The following SLC25A21 variants were observed in gnomAD, a reference collection of about 807,000 sequenced individuals.
The protein encoded by SLC25A21 is solute carrier family 25 member 21.
A neutral mutation model predicts 43.8 loss-of-function variants in SLC25A21; 47 were observed. That is an observed-to-expected ratio of 1.07 (90% CI 0.85 to 1.37). The LOEUF (loss-of-function observed/expected upper bound fraction) is 1.37, where lower values mean the gene tolerates loss of function less well. Among genes scored for constraint, SLC25A21 ranks in the 40% most tolerant of loss-of-function variants. The probability of loss-of-function intolerance (pLI) is 0.00; values close to 1 mark genes in which losing one functional copy is unlikely to be tolerated. For missense variants in SLC25A21, 352 were observed against 350.2 expected, an observed-to-expected ratio of 1.00 and a Z score of -0.04; for synonymous variants, 131 against 121.3, an observed-to-expected ratio of 1.08 and a Z score of -0.52.
At chr14:36,975,529 T>G (rs1418133313) in intron 1 of SLC25A21, among the ~76,000 whole-genome samples, 1 of 152,242 alleles carries the variant, frequency 6.6e-6, no homozygotes. Context: ...TTTGTAAAGA[T>G]AAGTTGTTCG....
intron 7 of SLC25A21, among the ~76,000 whole-genome samples, chr14:36,704,104 C>T (rs1883395133): frequency 6.6e-6 from 1 of 152,184 alleles, no homozygotes; most frequent in African/African-American, 2.4e-5. Flanking sequence ...GAACAGCTAG[C>T]TCCTAAAAAT....
intron 3 of SLC25A21, among the ~76,000 whole-genome samples, chr14:36,789,962 AT>A (rs1887423635): frequency 7.7e-6 from 1 of 130,682 alleles, no homozygotes; most frequent in South Asian, 2.2e-4. Context: ...TATATATAAA[AT>A]ATGTATATAT....
chr14:37,149,725 CTAAA>C (rs750476847), intron 1 of SLC25A21, among the ~76,000 whole-genome samples: 1 of 152,048 alleles, frequency 6.6e-6, no homozygotes, highest in Non-Finnish European at 1.5e-5. Flanking sequence ...TAAATAATCA[CTAAA>C]TAGTCTTTAA....
intron 1 of SLC25A21, among the ~76,000 whole-genome samples, chr14:36,974,512 G>A (rs17178010): frequency 0.09 from 13,731 of 152,128 alleles, 832 homozygotes; most frequent in Non-Finnish European, 0.14. Flanking sequence ...CATATTTTCT[G>A]AGGCACCAAA....
chr14:37,117,491 G>GA, intron 1 of SLC25A21, among the ~76,000 whole-genome samples: 1 of 152,178 alleles, frequency 6.6e-6, no homozygotes, highest in Non-Finnish European at 1.5e-5. Context: ...TTAGAAGAGA[G>GA]TTTTTTCTAT....
intron 1 of SLC25A21, among the ~76,000 whole-genome samples, chr14:37,113,542 T>C (rs368352839): frequency 8.4e-4 from 128 of 152,252 alleles, no homozygotes; most frequent in Non-Finnish European, 1.7e-3. Context: ...ATACAATTAT[T>C]GTAACTCATG....
rs12437201 is a variant in SLC25A21, at chr14:37,040,377, A to G, written c.70+131904T>C. On this transcript the variant is annotated intron_variant, in intron 1 of 9. Transcript: ENST00000331299. Reference sequence around the variant, plus strand: ...GGAAAGAAAGAGAGAGAGAGAGAGAAAGAAAGAAAGAAAGAAAGAAAGAAA... The same window carrying G: ...GGAAAGAAAGAGAGAGAGAGAGAGAGAGAAAGAAAGAAAGAAAGAAAGAAA... Among the ~76,000 whole-genome samples, 141 of 36,622 alleles carry G rather than the reference A, an allele frequency of 3.9e-3. 1 individual carries two copies. Among genetic ancestry groups the G allele is most frequent in the Admixed American group, 0.034 (113 of 3,368 alleles). 24.0% of individuals were successfully genotyped at this position (36,622 alleles called of 152,430 possible). A position where few individuals can be genotyped will look rare whatever the true frequency, so the allele number is the denominator to read the frequency against.
At chr14:37,085,835 G>A (rs2138844018) in intron 1 of SLC25A21, among the ~76,000 whole-genome samples, 1 of 152,304 alleles carries the variant, frequency 6.6e-6, no homozygotes, top group African/African-American at 2.4e-5. Flanking sequence ...GCCGGCCGCG[G>A]TGGCTTACGC....
At chr14:37,024,822 T>A (rs1012263314) in intron 1 of SLC25A21, among the ~76,000 whole-genome samples, 1 of 152,068 alleles carries the variant, frequency 6.6e-6, no homozygotes, top group African/African-American at 2.4e-5. Context: ...ATAATTAATC[T>A]CCTTATTTAT....
chr14:36,770,758 G>A (rs1202456730), intron 3 of SLC25A21, among the ~76,000 whole-genome samples: 2 of 152,090 alleles, frequency 1.3e-5, no homozygotes, highest in Non-Finnish European at 2.9e-5. Context: ...CCTTTACTGG[G>A]AGTGTAGGAA....
At chr14:36,764,143 G>GGAAAGAGAAA (rs1886294805) in intron 3 of SLC25A21, among the ~76,000 whole-genome samples, 1 of 33,802 alleles carries the variant, frequency 3.0e-5, no homozygotes, top group Non-Finnish European at 5.6e-5. Context: ...AAGGAAAGAA[G>GGAAAGAGAAA]GAAAGAAAGA....
chr14:36,826,977 A>T (rs538610463), intron 2 of SLC25A21, among the ~76,000 whole-genome samples: 62 of 152,272 alleles, frequency 4.1e-4, no homozygotes, highest in Non-Finnish European at 7.5e-4. Flanking sequence ...ACAACTTTGG[A>T]TGAGGATGGG....
chr14:37,036,856 T>C (rs1259538762), intron 1 of SLC25A21, among the ~76,000 whole-genome samples: 1 of 152,176 alleles, frequency 6.6e-6, no homozygotes, highest in South Asian at 2.1e-4. Context: ...TGTTCAAATG[T>C]GGATCTTGAC....
Position 36,763,691 on chromosome 14 carries a change from C to T in SLC25A21, c.204-29118G>A, listed in dbSNP as rs190410297. Among the ~76,000 whole-genome samples, 573 of 151,776 alleles carry T rather than the reference C, an allele frequency of 3.8e-3. 3 individuals are homozygous for T. The highest frequency in any genetic ancestry group is 0.013 in the African/African-American group (523 of 41,388). ...AGGAATCAGACACAGTAGAGCACAC[C>T]GGGAAGACCAGAAAAGGCAGCCTAT... is the stretch of plus-strand genomic sequence containing the variant. On this transcript the variant is annotated intron_variant, in intron 3 of 9. Transcript: ENST00000331299.
At chr14:37,097,032 T>G (rs1014276903) in intron 1 of SLC25A21, 7 of 149,108 alleles carry the variant, frequency 4.7e-5, no homozygotes, top group African/African-American at 1.8e-4. Flanking sequence ...TTTTTTTGTT[T>G]TTTTTTTTTG....
chr14:36,985,612 T>A (rs1960129440), intron 1 of SLC25A21, among the ~76,000 whole-genome samples: 1 of 152,192 alleles, frequency 6.6e-6, no homozygotes, highest in South Asian at 2.1e-4. Context: ...ACACTAAAAC[T>A]ACTATGTTAT....
At chr14:37,164,929 C>T (rs1266577779) in intron 1 of SLC25A21, among the ~76,000 whole-genome samples, 2 of 152,178 alleles carry the variant, frequency 1.3e-5, no homozygotes, top group Admixed American at 1.3e-4. Context: ...AATGAGATAA[C>T]ACTACACAAA....
chr14:36,813,805 G>C (rs751297400), intron 3 of SLC25A21, 113 bp downstream of exon 3: 17 of 708,914 alleles, frequency 2.4e-5, no homozygotes, highest in Non-Finnish European at 4.1e-5. Context: ...AAAGTAGAAA[G>C]GTACCCTTTT....
At chr14:36,803,799 T>A (rs1429849) in intron 3 of SLC25A21, among the ~76,000 whole-genome samples, 36,124 of 152,172 alleles carry the variant, frequency 0.24, 4,415 homozygotes, top group East Asian at 0.3. Flanking sequence ...CATCTGACAA[T>A]TCATCCAAGG....
Sources: gnomAD v4.1 joint callset for allele counts (sites outside exome capture counted in the v4.1 genomes callset) on GRCh38, gnomAD v4.1.1 for gene constraint, MANE v1.5 for transcripts, NCBI Gene and HGNC (gene_info 2026-07-23, HGNC 2026-07-21) for gene names.